The following STS variants were observed in gnomAD, a reference collection of about 807,000 sequenced individuals.
STS encodes steryl-sulfatase.
In STS, 7 loss-of-function variants were observed where a neutral mutation model predicts 26.8. The observed-to-expected ratio is 0.26, with a 90% confidence interval of 0.15 to 0.49. The LOEUF is 0.49. Ranked by LOEUF, STS falls within the 20% of genes least tolerant of loss-of-function variation. STS has a pLI of 0.98. For missense variants in STS, 434 were observed against 465.6 expected (o/e 0.93, Z 0.63); for synonymous variants, 199 against 189.4 (o/e 1.05, Z -0.42).
intron 2 of STS, among the ~76,000 whole-genome samples, chrX:7,239,341 G>C (rs753101734): frequency 1.8e-5 from 2 of 111,728 alleles, no homozygotes; most frequent in Non-Finnish European, 3.8e-5. Context: ...ACCTTGGATT[G>C]AACGAAGCTG....
At chrX:7,157,273 G>A (rs1933154768) in intron 1 of STS, among the ~76,000 whole-genome samples, 1 of 111,689 alleles carries the variant, frequency 9.0e-6, no homozygotes, top group Admixed American at 9.5e-5. Context: ...TGCCTGTCGA[G>A]TCTTTGAGAG....
In STS at chrX:7,225,493, G is replaced by C. The variant is rs1200022187; in HGVS notation, c.-4-27703G>C. On this transcript the variant is annotated intron_variant, in intron 2 of 10. Transcript: ENST00000674429. ...ACATACTTAACTCCTCCAGCAGTGAGCTGTCAACACATATGAAGTGTTGCC... is the reference window on the plus strand; with the variant it reads ...ACATACTTAACTCCTCCAGCAGTGACCTGTCAACACATATGAAGTGTTGCC... 3.6e-5 allele frequency among the ~76,000 whole-genome samples: 4 copies of C among 111,960 alleles called. No homozygotes were observed. In the Admixed American group the frequency reaches 3.8e-4, roughly 11 times the overall value.
Position 7,290,351 on chromosome X carries a change from G to C in STS, c.943+14264G>C, listed in dbSNP as rs1204303917. ...TGTTGTCACGCTGCCGCTGTCATCT[G>C]CTCCACTGATAATATTAATACTACT... On this transcript the variant is annotated intron_variant, in intron 7 of 10. Transcript: ENST00000674429. Among the ~76,000 whole-genome samples the C allele has an allele frequency of 2.7e-5, 3 of 111,515 alleles. 1 individual carries two copies. The East Asian group carries it at 8.5e-4, about 32-fold the overall frequency.
chrX:7,253,372 T>C (rs755768183), intron 3 of STS, 36 bp downstream of exon 3: 6 of 1,208,849 alleles, frequency 5.0e-6, no homozygotes, highest in Non-Finnish European at 5.6e-6. Flanking sequence ...CACATGGCTG[T>C]ATTCATAGGC....
intron 8 of STS, among the ~76,000 whole-genome samples, chrX:7,309,002 T>C (rs984952136): frequency 7.1e-5 from 8 of 111,963 alleles, no homozygotes; most frequent in Non-Finnish European, 1.3e-4. Flanking sequence ...CAAAGGACTT[T>C]GCTATTTGAA....
chrX:7,223,935 C>T (rs775918619), intron 2 of STS, among the ~76,000 whole-genome samples: 14 of 110,372 alleles, frequency 1.3e-4, no homozygotes, highest in Non-Finnish European at 1.9e-4. Flanking sequence ...TATTCTGAGA[C>T]ATGAAACATC....
intron 6 of STS, 127 bp from the exon 7 acceptor site, chrX:7,275,824 G>A (rs1401888352): frequency 3.2e-5 from 26 of 808,946 alleles, no homozygotes; most frequent in Non-Finnish European, 4.2e-5. Flanking sequence ...CAATTAACTT[G>A]TAATATTTTG....
chrX:7,350,067 G>A lies in STS; in HGVS notation c.1543G>A (p.Glu515Lys), dbSNP rs768125452. The change falls in exon 11 of 11, where the codon GAG becomes AAG. Residue 515 changes from glutamate (E) to lysine (K), a missense_variant. Coordinates refer to ENST00000674429, the MANE Select transcript of STS (RefSeq NM_001320752.2). Reference sequence around the variant, plus strand: ...GAGAAACCCACTAACTCCAGCATCCGAGCCCCGGTTTTATGAAATCCTCAA... The same window carrying A: ...GAGAAACCCACTAACTCCAGCATCCAAGCCCCGGTTTTATGAAATCCTCAA... Reference protein sequence around the residue: ...RERNPLTPASEPRFYEILKVM... With the variant: ...RERNPLTPASKPRFYEILKVM... The A allele has an allele frequency of 4.1e-6, 5 of 1,211,561 alleles. No individual in the cohort carries two copies. The highest frequency in any genetic ancestry group is 1.7e-5 in the African/African-American group (1 of 57,776).
At chrX:7,340,732 C>T (rs181417965) in intron 10 of STS, among the ~76,000 whole-genome samples, 31 of 112,172 alleles carry the variant, frequency 2.8e-4, no homozygotes, top group African/African-American at 9.4e-4. Context: ...CATCCAGAGG[C>T]GAATGGTCTA....
At position 7,300,222 on chromosome X, in the gene STS, A is replaced by G. The variant is rs1425918726; in HGVS notation, c.944-4824A>G. 2.7e-5 allele frequency among the ~76,000 whole-genome samples: 3 copies of G among 112,133 alleles called. No individual in the cohort carries two copies. The East Asian group carries it at 8.4e-4, about 31-fold the overall frequency. ...CCAGTTAAATAACAAAGTGCTCTTG[A>G]AATGGCTTATTTTCTATATTTGTTT... On this transcript the variant is annotated intron_variant, in intron 7 of 10. Transcript: ENST00000674429.
At chrX:7,238,799 T>C (rs1212730884) in intron 2 of STS, among the ~76,000 whole-genome samples, 1 of 110,756 alleles carries the variant, frequency 9.0e-6, no homozygotes, top group Non-Finnish European at 1.9e-5. Context: ...ACCACTGTGC[T>C]CCAATCTGGG....
At chrX:7,315,278 T>G (rs1250030661) in intron 8 of STS, among the ~76,000 whole-genome samples, 1 of 112,338 alleles carries the variant, frequency 8.9e-6, no homozygotes, top group Non-Finnish European at 1.9e-5. Flanking sequence ...GAATTGGTTG[T>G]CATATGTCCC....
chrX:7,320,452 GTTTA>G (rs1926974818), intron 8 of STS, among the ~76,000 whole-genome samples: 1 of 110,881 alleles, frequency 9.0e-6, no homozygotes, highest in Non-Finnish European at 1.9e-5. Context: ...TTTTGTTCCT[GTTTA>G]TTTATGCTGT....
intron 2 of STS, among the ~76,000 whole-genome samples, chrX:7,222,563 T>C (rs1921623379): frequency 1.9e-5 from 2 of 105,482 alleles, no homozygotes; most frequent in African/African-American, 6.9e-5. Context: ...ATGTTTTCAG[T>C]CTTTTTCAAA....
chrX:7,149,157 G>A (rs1484347600), intron 1 of STS, among the ~76,000 whole-genome samples: 2 of 110,942 alleles, frequency 1.8e-5, no homozygotes, highest in African/African-American at 6.6e-5. Flanking sequence ...GGAGGCAGAA[G>A]TGGGAGTTGG....
chrX:7,159,438 TA>T (rs1439359337), intron 1 of STS, among the ~76,000 whole-genome samples: 1 of 112,045 alleles, frequency 8.9e-6, no homozygotes, highest in Admixed American at 9.5e-5. Flanking sequence ...CACAGATCAT[TA>T]AAAACAAAAC....
rs751275704 is a variant in STS at position 7,246,179 on chromosome X, G to A, written c.-4-7017G>A. Among the ~76,000 whole-genome samples the A allele has an allele frequency of 4.2e-3, 465 of 111,014 alleles. 3 individuals are homozygous for A. Among genetic ancestry groups the A allele is most frequent in the Non-Finnish European group, 7.0e-3 (370 of 53,014 alleles). On this transcript the variant is annotated intron_variant, in intron 2 of 10. Transcript: ENST00000674429. ...AGCACACATCATCTTGAGCCTAGCC[G>A]TAAAAAAACCCGTTCACAAGATAAG...
At chrX:7,284,023 A>G (rs1389885472) in intron 7 of STS, among the ~76,000 whole-genome samples, 2 of 111,329 alleles carry the variant, frequency 1.8e-5, no homozygotes, top group African/African-American at 6.5e-5. Flanking sequence ...GTGCACCAGC[A>G]AAGATGCCAT....
chrX:7,241,897 T>A (rs1285630169), intron 2 of STS, among the ~76,000 whole-genome samples: 1 of 111,903 alleles, frequency 8.9e-6, no homozygotes, highest in Non-Finnish European at 1.9e-5. Flanking sequence ...CAGGCAGGAC[T>A]TAGTTCCTTG....
Sources: allele counts gnomAD v4.1 joint callset (sites outside exome capture counted in the v4.1 genomes callset), GRCh38; gene constraint gnomAD v4.1.1; transcripts MANE v1.5; gene names NCBI Gene and HGNC (gene_info 2026-07-23, HGNC 2026-07-21).